TBATA: variants seen among roughly 807,000 people sequenced by gnomAD.
TBATA encodes thymus, brain and testes associated, also known as protein TBATA.
In TBATA, 47 loss-of-function variants were observed where a neutral mutation model predicts 38.7. The observed-to-expected ratio is 1.21, with a 90% CI of 0.96 to 1.55. The LOEUF is 1.55. Ranked by LOEUF, TBATA falls within the 40% of genes most tolerant of loss-of-function variation. The pLI, the probability that TBATA is intolerant of heterozygous loss-of-function variation, is 0.00. For synonymous variants in TBATA, 183 were observed against 170.5 expected (o/e 1.07, Z -0.57); for missense variants, 436 against 435.6 (o/e 1.00, Z -0.01).
intron 4 of TBATA, among the ~76,000 whole-genome samples, chr10:70,779,982 G>A (rs530857368): frequency 6.6e-6 from 1 of 152,298 alleles, no homozygotes; most frequent in South Asian, 2.1e-4. Context: ...TGTGATTTGG[G>A]CAGAGGTGAG....
At chr10:70,783,937 C>T (rs1413072839) in intron 2 of TBATA, among the ~76,000 whole-genome samples, 1 of 152,174 alleles carries the variant, frequency 6.6e-6, no homozygotes, top group African/African-American at 2.4e-5. Flanking sequence ...AAGATATATG[C>T]ATTTGAAACA....
chr10:70,772,306 T>C (rs1842869321), intron 10 of TBATA: 2 of 712,096 alleles, frequency 2.8e-6, no homozygotes, highest in African/African-American at 3.5e-5. Context: ...TTGTCTGAAT[T>C]CTTCCTCACT....
intron 7 of TBATA, 101 bp from the exon 8 acceptor site, chr10:70,775,371 G>T: frequency 1.1e-6 from 1 of 929,548 alleles, no homozygotes; most frequent in South Asian, 1.5e-5. Flanking sequence ...CCCCAAAGTG[G>T]GCTCCCAGAG....
Position 70,781,983 on chromosome 10 carries a change from G to A in TBATA, c.95C>T (p.Pro32Leu), listed in dbSNP as rs779623289. 1.5e-5 allele frequency: 25 copies of A among 1,614,238 alleles called. No individual in the cohort carries two copies. The highest frequency in any genetic ancestry group is 2.1e-5 in the Non-Finnish European group (25 of 1,180,044). The part of the protein sequence containing the change: ...EKKSGRKPRS[P>L]RDSGPQKELV... ...TTCTTTCTGTGGCCCACTGTCCCTG[G>A]GGCTCCTTGGCTTGCGCCCTGACTT... Residue 32 changes from proline to leucine, a missense_variant, in exon 4 of 11, where the codon CCC (proline) becomes CTC (leucine). By Grantham distance (98) the Pro-to-Leu change is moderately conservative (BLOSUM62 -3). Coordinates refer to ENST00000456372, the MANE Select transcript of TBATA (RefSeq NM_001318241.2).
At chr10:70,775,355 C>T in intron 7 of TBATA, 85 bp from the exon 8 acceptor site, 1 of 1,229,908 alleles carries the variant, frequency 8.1e-7, no homozygotes. Flanking sequence ...ACCAAGGAGA[C>T]CCTTCCCCCA....
intron 4 of TBATA, among the ~76,000 whole-genome samples, chr10:70,779,990 G>A (rs1022787439): frequency 6.6e-6 from 1 of 152,204 alleles, no homozygotes; most frequent in Non-Finnish European, 1.5e-5. Flanking sequence ...GGGCAGAGGT[G>A]AGACAAGAAC....
At chr10:70,777,386 G>A in intron 6 of TBATA, 48 bp from the exon 7 acceptor site, 1 of 1,569,838 alleles carries the variant, frequency 6.4e-7, no homozygotes. Context: ...AAGAGGGGAG[G>A]AAGAGGGCTG....
rs1243144639 is a variant in TBATA at position 70,771,258 on chromosome 10, T to G, written c.*118A>C. Reference sequence around the variant, plus strand: ...TCCTCTCTCAGGGAAGACGGTTTTATTTAGTAAGAGTTTTCACGGTAGGGA... The same window carrying G: ...TCCTCTCTCAGGGAAGACGGTTTTAGTTAGTAAGAGTTTTCACGGTAGGGA... On this transcript the variant is annotated 3_prime_UTR_variant, in exon 11 of 11. Transcript: ENST00000456372. 4 of 1,600,288 alleles carry G rather than the reference T, an allele frequency of 2.5e-6. No homozygotes were observed. In the Middle Eastern group the frequency reaches 6.7e-4, roughly 267 times the overall value.
chr10:70,783,432 A>C lies in TBATA; in HGVS notation c.-53T>G. On this transcript the variant is annotated 5_prime_UTR_variant, in exon 3 of 11. Coordinates refer to ENST00000456372, the MANE Select transcript of TBATA (RefSeq NM_001318241.2). ...AGTGCACTTAATACTAGCGTTGAGGATGCAGAACAGGAACTCTCACTTAAT... is the reference window on the plus strand; with the variant it reads ...AGTGCACTTAATACTAGCGTTGAGGCTGCAGAACAGGAACTCTCACTTAAT... 6.3e-7 allele frequency: 1 copy of C among 1,596,952 alleles called. No homozygotes were observed. The highest frequency in any genetic ancestry group is 1.7e-5 in the Admixed American group (1 of 59,948).
chr10:70,772,006 A>G (rs1450295413), intron 10 of TBATA, among the ~76,000 whole-genome samples: 1 of 151,988 alleles, frequency 6.6e-6, no homozygotes, highest in Admixed American at 6.6e-5. Flanking sequence ...TGCCTCCCTT[A>G]CCACTGTCCC....
intron 10 of TBATA, among the ~76,000 whole-genome samples, 170 bp from the exon 11 acceptor site, chr10:70,771,631 G>T (rs1353470991): frequency 1.3e-5 from 2 of 152,178 alleles, no homozygotes; most frequent in African/African-American, 4.8e-5. Context: ...GGAATGGAGC[G>T]AATGGAATCC....
chr10:70,775,300 C>CAGGAGTACAGGCA (rs773945036), intron 7 of TBATA, 30 bp from the exon 8 acceptor site: 1 of 1,591,522 alleles, frequency 6.3e-7, no homozygotes, highest in Non-Finnish European at 8.6e-7. Context: ...ACATTCCAGC[C>CAGGAGTACAGGCA]AGGAGTACAG....
intron 7 of TBATA, among the ~76,000 whole-genome samples, chr10:70,776,701 T>TG (rs970600263): frequency 6.6e-6 from 1 of 151,928 alleles, no homozygotes; most frequent in African/African-American, 2.4e-5. Context: ...CAGGCCTCAG[T>TG]GGGGAAACGT....
In TBATA at chr10:70,781,898, C is replaced by T; in HGVS notation, c.180G>A (p.Lys60=). The T allele has an allele frequency of 2.5e-6, 4 of 1,614,228 alleles. No homozygotes were observed. The highest frequency in any genetic ancestry group is 3.4e-6 in the Non-Finnish European group (4 of 1,180,042). The change falls in exon 4 of 11, where the codon AAG becomes AAA. Residue 60 remains lysine, a synonymous_variant. Transcript: ENST00000456372. ...AGCAGTAGGTGCCAGGGGTTTGGGG[C>T]TTTGGGGTCCTCAATGCCCGGCGGA... ...ERIRRALRTP[K]PQTPGTYCFG...
Position 70,771,452 on chromosome 10 carries a change from C to A in TBATA, c.983G>T (p.Gly328Val). The A allele has an allele frequency of 6.2e-7, 1 of 1,613,992 alleles. No homozygotes were observed. The highest frequency in any genetic ancestry group is 8.5e-7 in the Non-Finnish European group (1 of 1,179,950). The change falls in exon 11 of 11, where the codon GGA becomes GTA. Residue 328 changes from glycine to valine, a missense_variant. Coordinates refer to ENST00000456372, the MANE Select transcript of TBATA (RefSeq NM_001318241.2). Reference protein sequence around the residue: ...FTKSEKPEYIGEAQVLQMHSS... With the variant: ...FTKSEKPEYIVEAQVLQMHSS... The stretch of plus-strand genomic sequence containing the variant: ...ATGCATCTGGAGGACTTGAGCTTCT[C>A]CAATGTACTCTAGTGGGAGGAGAGA...
At position 70,771,336 on chromosome 10, in the gene TBATA, G is replaced by C; in HGVS notation, c.*40C>G. The C allele has an allele frequency of 6.2e-7, 1 of 1,614,022 alleles. No individual in the cohort carries two copies. Among genetic ancestry groups the C allele is most frequent in the Non-Finnish European group, 8.5e-7 (1 of 1,179,930 alleles). On this transcript the variant is annotated 3_prime_UTR_variant, in exon 11 of 11. Transcript: ENST00000456372. Reference sequence around the variant, plus strand: ...GACAGAAACACCCCTGAACCCTTGGGGCTGCTCTTGAGCAAGGCAGGTGCA... The same window carrying C: ...GACAGAAACACCCCTGAACCCTTGGCGCTGCTCTTGAGCAAGGCAGGTGCA...
rs765870111 is a variant in TBATA, at chr10:70,783,338, C to T, written c.41+1G>A. 4.3e-6 allele frequency: 7 copies of T among 1,614,084 alleles called. No homozygotes were observed. The highest frequency in any genetic ancestry group is 1.7e-5 in the Admixed American group (1 of 60,010). ...AGCAGGGTGGGCATTTGGAGCCTCA[C>T]CTCATCAGTGGATAATCAGCCAATT... On this transcript the variant is annotated splice_donor_variant, in intron 3 of 10. Transcript: ENST00000456372. LOFTEE classifies it high-confidence loss of function.
chr10:70,782,587 T>A (rs1475663750), intron 3 of TBATA: 15 of 985,182 alleles, frequency 1.5e-5, no homozygotes, highest in Non-Finnish European at 1.7e-5. Flanking sequence ...CCCATGGGGG[T>A]CCCTCCTAGG....
chr10:70,776,299 T>C, intron 7 of TBATA: 1 of 456,112 alleles, frequency 2.2e-6, no homozygotes. Flanking sequence ...CCCTGGGCCC[T>C]TCTCCATTCT....
Sources: allele counts gnomAD v4.1 joint callset (sites outside exome capture counted in the v4.1 genomes callset), GRCh38; gene constraint gnomAD v4.1.1; transcripts MANE v1.5; gene names NCBI Gene and HGNC (gene_info 2026-07-23, HGNC 2026-07-21).